The following ANO4 variants were observed in gnomAD, a reference collection of about 807,000 sequenced individuals.
ANO4 encodes the protein anoctamin 4.
ANO4 carries 69 observed loss-of-function variants against 141.9 expected under a neutral mutation model. The observed-to-expected ratio is 0.49, with a 90% CI of 0.40 to 0.59. The LOEUF (loss-of-function observed/expected upper bound fraction) is 0.59, where lower values mean the gene tolerates loss of function less well. Among genes scored for constraint, ANO4 ranks in the 20% least tolerant of loss-of-function variants. The probability of loss-of-function intolerance (pLI) is 0.00; values close to 1 mark genes in which losing one functional copy is unlikely to be tolerated. For missense variants in ANO4, 894 were observed against 1,162.2 expected, an observed-to-expected ratio of 0.77 and a Z score of 3.36; for synonymous variants, 350 against 394.3, an observed-to-expected ratio of 0.89 and a Z score of 1.33.
chr12:101,012,481 A>C (rs80319693), intron 8 of ANO4, among the ~76,000 whole-genome samples: 3 of 152,318 alleles, frequency 2.0e-5, no homozygotes, highest in South Asian at 4.1e-4. Context: ...CAAGTTGTGC[A>C]AGAATCTAAG....
chr12:100,841,909 A>T (rs1484662871), intron 1 of ANO4, among the ~76,000 whole-genome samples: 1 of 151,908 alleles, frequency 6.6e-6, no homozygotes, highest in Non-Finnish European at 1.5e-5. Flanking sequence ...ACATTTTTGG[A>T]CTTGTGTTTT....
chr12:100,901,947 T>C, intron 2 of ANO4, 107 bp downstream of exon 2: 2 of 1,129,140 alleles, frequency 1.8e-6, no homozygotes, highest in Non-Finnish European at 1.3e-6. Context: ...CTAAGCTTGC[T>C]TTTGTTAGGA....
At chr12:100,812,259 A>G (rs2035485539) in intron 1 of ANO4, among the ~76,000 whole-genome samples, 1 of 152,146 alleles carries the variant, frequency 6.6e-6, no homozygotes, top group African/African-American at 2.4e-5. Context: ...AAGTAATTCT[A>G]TACCTAGTTT....
At position 100,933,168 on chromosome 12, in the gene ANO4, G is replaced by A. The variant is rs191540928; in HGVS notation, c.161-6147G>A. On this transcript the variant is annotated intron_variant, in intron 3 of 27. Coordinates refer to ENST00000392977, the MANE Select transcript of ANO4 (RefSeq NM_001286615.2). ...AAGTTCTAGGGTACATGTGTACAAC[G>A]TGCAGGTTTGATACATAGGTATACA... 2.3e-3 allele frequency among the ~76,000 whole-genome samples: 354 copies of A among 151,030 alleles called. 1 individual carries two copies. The highest frequency in any genetic ancestry group is 6.8e-3 in the Middle Eastern group (2 of 294).
At chr12:100,895,659 T>C (rs2040314460) in intron 1 of ANO4, among the ~76,000 whole-genome samples, 1 of 151,298 alleles carries the variant, frequency 6.6e-6, no homozygotes. Flanking sequence ...CCTCTTGGGT[T>C]CAAGCGATTC....
chr12:100,897,556 C>T (rs762982446), intron 1 of ANO4, among the ~76,000 whole-genome samples: 9 of 152,100 alleles, frequency 5.9e-5, no homozygotes, highest in East Asian at 1.9e-4. Context: ...TGTTCAGAGA[C>T]GAAGAAGGAA....
At chr12:100,893,203 A>G (rs2040188317) in intron 1 of ANO4, among the ~76,000 whole-genome samples, 1 of 151,388 alleles carries the variant, frequency 6.6e-6, no homozygotes, top group South Asian at 2.1e-4. Flanking sequence ...ATATTGGATT[A>G]GGGCTATGAA....
At chr12:100,949,277 A>T (rs1014596254) in intron 5 of ANO4, among the ~76,000 whole-genome samples, 8 of 152,206 alleles carry the variant, frequency 5.3e-5, no homozygotes, top group African/African-American at 1.7e-4. Flanking sequence ...TGTAGTTGTA[A>T]GCCTCCAAGC....
chr12:100,890,042 T>G (rs11838181), intron 1 of ANO4, among the ~76,000 whole-genome samples: 12 of 152,310 alleles, frequency 7.9e-5, no homozygotes, highest in African/African-American at 2.9e-4. Flanking sequence ...AATATTACTA[T>G]AATCATAATT....
chr12:100,845,945 C>T (rs1161945834), intron 1 of ANO4, among the ~76,000 whole-genome samples: 3 of 152,174 alleles, frequency 2.0e-5, no homozygotes, highest in Non-Finnish European at 4.4e-5. Flanking sequence ...ACCTGGCTTT[C>T]AACCTAGGAA....
intron 22 of ANO4, among the ~76,000 whole-genome samples, chr12:101,100,008 A>G (rs1447686932): frequency 2.0e-5 from 3 of 152,130 alleles, no homozygotes; most frequent in African/African-American, 7.2e-5. Flanking sequence ...TAACGGTGAA[A>G]CTTTGGGCAA....
chr12:101,000,125 C>G (rs1202603403), intron 8 of ANO4, among the ~76,000 whole-genome samples: 2 of 151,238 alleles, frequency 1.3e-5, no homozygotes, highest in East Asian at 3.9e-4. Flanking sequence ...TGATAGTTAT[C>G]ATTATCATTA....
At chr12:100,903,186 A>G in intron 2 of ANO4, among the ~76,000 whole-genome samples, 1 of 152,044 alleles carries the variant, frequency 6.6e-6, no homozygotes, top group Middle Eastern at 3.2e-3. Context: ...TCCTTTTATC[A>G]CAATGTAGTG....
intron 7 of ANO4, among the ~76,000 whole-genome samples, chr12:100,979,292 A>G (rs12317311): frequency 0.48 from 72,486 of 151,934 alleles, 18,174 homozygotes; most frequent in East Asian, 0.64. Context: ...GTTCTCAAAC[A>G]TGTGTCAGGA....
At chr12:100,956,603 G>T (rs1276352637) in intron 5 of ANO4, among the ~76,000 whole-genome samples, 1 of 152,206 alleles carries the variant, frequency 6.6e-6, no homozygotes, top group Non-Finnish European at 1.5e-5. Flanking sequence ...GGATTGTGTA[G>T]CAGTAAATCA....
intron 26 of ANO4, 105 bp from the exon 27 acceptor site, chr12:101,126,774 A>T: frequency 9.6e-7 from 1 of 1,045,684 alleles, no homozygotes; most frequent in Non-Finnish European, 1.4e-6. Context: ...GTCACTTTGC[A>T]CTCTCCACAT....
intron 14 of ANO4, among the ~76,000 whole-genome samples, chr12:101,064,660 TATTATAATAATAATA>T (rs773703931): frequency 0.013 from 1,629 of 122,384 alleles, 30 homozygotes; most frequent in African/African-American, 0.05. Flanking sequence ...GAACTTAAAG[TATTATAATAATAATA>T]ATAATAATAA....
At chr12:101,023,543 G>A (rs2046617285) in intron 9 of ANO4, among the ~76,000 whole-genome samples, 1 of 152,174 alleles carries the variant, frequency 6.6e-6, no homozygotes, top group Non-Finnish European at 1.5e-5. Context: ...GTGGTGGTCA[G>A]TACCTATAGT....
At chr12:101,042,209 T>G in intron 11 of ANO4, 125 bp from the exon 12 acceptor site, 1 of 1,196,048 alleles carries the variant, frequency 8.4e-7, no homozygotes, top group South Asian at 1.5e-5. Context: ...TTCTTTTATC[T>G]TGGCTTACCT....
Sources: allele counts gnomAD v4.1 joint callset (sites outside exome capture counted in the v4.1 genomes callset), GRCh38; gene constraint gnomAD v4.1.1; transcripts MANE v1.5; gene names NCBI Gene and HGNC (gene_info 2026-07-23, HGNC 2026-07-21).